Variants in DMD observed in about 807,000 individuals in gnomAD.
DMD encodes the protein dystrophin, also known as mutant dystrophin.
A neutral mutation model predicts 330.1 loss-of-function variants in DMD; 63 were observed. That is an observed-to-expected ratio of 0.19 (90% confidence interval 0.16 to 0.24). DMD has a LOEUF of 0.24. DMD is among the 10% of genes least tolerant of loss of function. DMD has a pLI of 1.00. For synonymous variants in DMD, 1,223 were observed against 959.8 expected (o/e 1.27, Z -5.07); for missense variants, 3,344 against 2,684.1 (o/e 1.25, Z -5.43).
intron 1 of DMD, among the ~76,000 whole-genome samples, chrX:33,047,079 T>C (rs1032406711): frequency 1.8e-5 from 2 of 111,794 alleles, no homozygotes; most frequent in African/African-American, 3.2e-5. Flanking sequence ...GACCCTATTG[T>C]ATGGATAGGA....
chrX:31,683,348 C>T, intron 52 of DMD, among the ~76,000 whole-genome samples: 1 of 111,934 alleles, frequency 8.9e-6, no homozygotes, highest in Non-Finnish European at 1.9e-5. Flanking sequence ...GGTTTAGGTG[C>T]CTGTTAGATA....
intron 16 of DMD, 78 bp downstream of exon 16, chrX:32,565,624 G>A: frequency 9.9e-7 from 1 of 1,006,436 alleles, no homozygotes; most frequent in Non-Finnish European, 1.4e-6. Flanking sequence ...TCTTTTGTAG[G>A]GTTATAATGT....
At chrX:32,837,202 G>A (rs1158433351) in intron 4 of DMD, among the ~76,000 whole-genome samples, 1 of 111,724 alleles carries the variant, frequency 9.0e-6, no homozygotes, top group Non-Finnish European at 1.9e-5. Flanking sequence ...CTGGAATGCC[G>A]ATTATACCGT....
intron 13 of DMD, among the ~76,000 whole-genome samples, chrX:32,588,492 G>C (rs947840104): frequency 1.8e-5 from 2 of 112,141 alleles, no homozygotes; most frequent in Non-Finnish European, 3.8e-5. Context: ...CAGGTTGAGG[G>C]ACATAAAGCA....
rs1470124405 is a variant in DMD, at chrX:31,750,061, C to T, written c.7543-20313G>A. ...GGATATTAGCTCTTTGTCAGATAAG[C>T]AGGTTGCGAAAATTTTCTCCCATGT... On this transcript the variant is annotated intron_variant, in intron 51 of 78. Transcript: ENST00000357033. Among the ~76,000 whole-genome samples, 3 of 110,386 alleles carry T rather than the reference C, an allele frequency of 2.7e-5. No individual in the cohort carries two copies. In the East Asian group the frequency reaches 8.6e-4, roughly 32 times the overall value.
intron 62 of DMD, among the ~76,000 whole-genome samples, chrX:31,292,286 A>T (rs973370462): frequency 8.9e-6 from 1 of 112,130 alleles, no homozygotes; most frequent in Non-Finnish European, 1.9e-5. Flanking sequence ...ATCAATAAAA[A>T]AAATAGGCAA....
At chrX:31,390,354 T>C (rs2148785256) in intron 60 of DMD, among the ~76,000 whole-genome samples, 1 of 110,141 alleles carries the variant, frequency 9.1e-6, no homozygotes, top group South Asian at 3.9e-4. Flanking sequence ...CTGGATGCTC[T>C]AAATTCCATT....
intron 55 of DMD, among the ~76,000 whole-genome samples, chrX:31,623,190 A>G (rs1386906871): frequency 9.0e-6 from 1 of 111,437 alleles, no homozygotes; most frequent in Non-Finnish European, 1.9e-5. Context: ...CTAAGATTGC[A>G]TTCTTTCTTC....
chrX:31,778,565 ATTTTTTTTTTTTT>A (rs36164865), intron 50 of DMD, among the ~76,000 whole-genome samples: 1 of 63,059 alleles, frequency 1.6e-5, no homozygotes, highest in African/African-American at 6.7e-5. Context: ...AAGTCCTGAA[ATTTTTTTTTTTTT>A]TTTTTTTTTT....
intron 1 of DMD, among the ~76,000 whole-genome samples, chrX:33,123,742 T>TC (rs1445931605): frequency 5.5e-5 from 6 of 109,030 alleles, no homozygotes; most frequent in Admixed American, 3.9e-4. Flanking sequence ...TTTTTTTTTT[T>TC]CAGTCCAATA....
chrX:31,999,829 T>A (rs1319744687), intron 44 of DMD, among the ~76,000 whole-genome samples: 1 of 111,412 alleles, frequency 9.0e-6, no homozygotes, highest in Non-Finnish European at 1.9e-5. Context: ...AAAATTACCA[T>A]GATAGCTTCA....
At chrX:32,702,686 C>T (rs986156304) in intron 7 of DMD, among the ~76,000 whole-genome samples, 2 of 111,178 alleles carry the variant, frequency 1.8e-5, no homozygotes, top group African/African-American at 6.5e-5. Flanking sequence ...GAGGCTAGGA[C>T]CATAATCCAG....
intron 1 of DMD, among the ~76,000 whole-genome samples, chrX:33,259,357 T>C (rs1032645575): frequency 2.2e-4 from 24 of 110,209 alleles, no homozygotes; most frequent in Non-Finnish European, 1.9e-5. Flanking sequence ...ACATTAGGTT[T>C]CACTCAGTGT....
chrX:31,229,441 T>C (rs1312549814), intron 63 of DMD, among the ~76,000 whole-genome samples: 2 of 111,807 alleles, frequency 1.8e-5, no homozygotes, highest in African/African-American at 6.5e-5. Flanking sequence ...GGTTTCAATA[T>C]GCCTATCTAT....
chrX:33,141,526 T>C (rs1245466095), intron 1 of DMD, among the ~76,000 whole-genome samples: 2 of 111,310 alleles, frequency 1.8e-5, no homozygotes, highest in Non-Finnish European at 3.8e-5. Context: ...AAATATAGAG[T>C]AGAAATGGAA....
At chrX:31,422,055 CTTT>C (rs2063474043) in intron 60 of DMD, among the ~76,000 whole-genome samples, 1 of 61,948 alleles carries the variant, frequency 1.6e-5, no homozygotes, top group Non-Finnish European at 2.9e-5. Flanking sequence ...TTTTTTTTTT[CTTT>C]TTCTTTTTGA....
At chrX:31,693,121 A>G (rs2083228781) in intron 52 of DMD, among the ~76,000 whole-genome samples, 1 of 112,410 alleles carries the variant, frequency 8.9e-6, no homozygotes. Flanking sequence ...TTGTTTCAAT[A>G]TATGCAAATT....
chrX:32,216,967 C>T lies in DMD; in HGVS notation c.6387G>A (p.Lys2129=), dbSNP rs758768498. ...WLTEAEQFLR[K]TQIPENWEHA... is the part of the protein sequence containing the mutation. ...GTTCCCAATTCTCAGGAATTTGTGT[C>T]TTTCTGAGAAACTGTTCAGCTTCTG... Residue 2129 remains lysine (K), a synonymous_variant, in exon 44 of 79, where the codon AAG becomes AAA. Transcript: ENST00000357033. The T allele has an allele frequency of 8.3e-7, 1 of 1,205,473 alleles. No homozygotes were observed. Among genetic ancestry groups the T allele is most frequent in the African/African-American group, 1.8e-5 (1 of 56,978 alleles).
chrX:32,383,433 T>G (rs1701848092), intron 33 of DMD, among the ~76,000 whole-genome samples: 1 of 111,521 alleles, frequency 9.0e-6, no homozygotes, highest in Non-Finnish European at 1.9e-5. Context: ...CTTTGTTGCC[T>G]TTGCTTTCAT....
Sources: gnomAD v4.1 joint callset for allele counts (sites outside exome capture counted in the v4.1 genomes callset) on GRCh38, gnomAD v4.1.1 for gene constraint, MANE v1.5 for transcripts, NCBI Gene and HGNC (gene_info 2026-07-23, HGNC 2026-07-21) for gene names.